Variants in UCHL3 observed in about 807,000 individuals in gnomAD.
UCHL3 encodes ubiquitin C-terminal hydrolase L3.
UCHL3 carries 22 observed loss-of-function variants against 35.8 expected under a neutral mutation model. That is an observed-to-expected ratio of 0.61 (90% CI 0.44 to 0.88). UCHL3 has a LOEUF of 0.88. Ranked by LOEUF, UCHL3 falls within the 40% of genes least tolerant of loss-of-function variation. UCHL3 has a pLI of 0.00. For missense variants in UCHL3, 229 were observed against 276.9 expected (o/e 0.83, Z 1.23); for synonymous variants, 90 against 92.8 (o/e 0.97, Z 0.17).
chr13:75,601,779 AG>A (rs2032786569), intron 7 of UCHL3, among the ~76,000 whole-genome samples: 1 of 152,130 alleles, frequency 6.6e-6, no homozygotes, highest in South Asian at 2.1e-4. Flanking sequence ...ATTTCTGTAT[AG>A]TCTCTCTTTT....
intron 8 of UCHL3, 111 bp from the exon 9 acceptor site, chr13:75,605,618 A>C (rs1322196261): frequency 9.6e-7 from 1 of 1,038,438 alleles, no homozygotes; most frequent in Non-Finnish European, 1.4e-6. Flanking sequence ...CATTTGGAAA[A>C]GGAAGTTTGC....
In UCHL3 at chr13:75,550,006, G is replaced by C. The variant is rs779184142; in HGVS notation, c.54+19G>C. On this transcript the variant is annotated intron_variant, in intron 2 of 8. Coordinates refer to ENST00000377595, the MANE Select transcript of UCHL3 (RefSeq NM_006002.5). ...CAACCAGGTGAGTGAGGTGTCTGTC[G>C]CTCGGGACCTCGGAGTCTTTTCTGT... 3 of 1,614,222 alleles carry C rather than the reference G, an allele frequency of 1.9e-6. No homozygotes were observed. In the South Asian group the frequency reaches 3.3e-5, roughly 18 times the overall value.
In UCHL3 at chr13:75,595,024, A is replaced by C. The variant is rs754761153; in HGVS notation, c.550+34A>C. On this transcript the variant is annotated intron_variant, in intron 7 of 8. Transcript: ENST00000377595. ...TATTTTAATTTGTCCTGGGGAGAGA[A>C]ATGGTAAATGGGAAAGTCTCTACTT... 5 of 1,471,872 alleles carry C rather than the reference A, an allele frequency of 3.4e-6. No individual in the cohort carries two copies. The South Asian group carries it at 6.3e-5, about 18-fold the overall frequency. The allele number at this position is 1,471,872 out of a possible 1,614,324, so 91.2% of individuals were successfully genotyped here. A position where few individuals can be genotyped will look rare whatever the true frequency, so the allele number is the denominator to read the frequency against.
intron 7 of UCHL3, among the ~76,000 whole-genome samples, chr13:75,599,622 G>A (rs923438548): frequency 6.6e-6 from 1 of 151,980 alleles, no homozygotes; most frequent in African/African-American, 2.4e-5. Context: ...TAATTGTTTT[G>A]GGATGCCACA....
intron 2 of UCHL3, among the ~76,000 whole-genome samples, chr13:75,554,176 C>G (rs536260320): frequency 6.6e-6 from 1 of 152,288 alleles, no homozygotes; most frequent in African/African-American, 2.4e-5. Context: ...ACTCCTCACA[C>G]CTCAGCCTTC....
chr13:75,587,017 C>CAAAA (rs3036429), intron 6 of UCHL3, among the ~76,000 whole-genome samples: 18 of 98,918 alleles, frequency 1.8e-4, no homozygotes, highest in East Asian at 3.0e-4. Flanking sequence ...CTTAAGGTAG[C>CAAAA]AAAAAAAAAA....
chr13:75,590,709 T>C (rs8192755), intron 6 of UCHL3, among the ~76,000 whole-genome samples: 100,301 of 151,898 alleles, frequency 0.66, 33,412 homozygotes, highest in Middle Eastern at 0.79. Context: ...CTTTCCTGCC[T>C]ATTCAGTTTC....
intron 6 of UCHL3, among the ~76,000 whole-genome samples, chr13:75,581,375 G>A (rs1593746961): frequency 6.7e-6 from 1 of 150,092 alleles, no homozygotes; most frequent in Non-Finnish European, 1.5e-5. Flanking sequence ...CTTGAGACAG[G>A]GTCCCATTCT....
intron 7 of UCHL3, among the ~76,000 whole-genome samples, chr13:75,602,460 A>G (rs1231839130): frequency 3.3e-5 from 5 of 152,188 alleles, no homozygotes; most frequent in Non-Finnish European, 7.3e-5. Flanking sequence ...TTTAGGTTAC[A>G]TGACCCATGT....
chr13:75,557,439 TC>T (rs566321047), intron 2 of UCHL3, among the ~76,000 whole-genome samples: 104 of 152,378 alleles, frequency 6.8e-4, no homozygotes, highest in African/African-American at 2.3e-3. Context: ...TAATTATTTT[TC>T]TCAATTGGCC....
At chr13:75,549,707 G>A, upstream of UCHL3, 2 of 1,264,726 alleles carry the variant, frequency 1.6e-6, no homozygotes, top group Non-Finnish European at 2.1e-6. Flanking sequence ...GTGTTTAGGC[G>A]CTCCTCCTCC....
chr13:75,586,162 G>A (rs867903224), intron 6 of UCHL3, among the ~76,000 whole-genome samples: 11 of 151,968 alleles, frequency 7.2e-5, no homozygotes, highest in Admixed American at 2.6e-4. Context: ...CAATCAAAAG[G>A]ATGGGAAAAG....
At chr13:75,588,360 C>G (rs1395872371) in intron 6 of UCHL3, among the ~76,000 whole-genome samples, 1 of 152,018 alleles carries the variant, frequency 6.6e-6, no homozygotes, top group Non-Finnish European at 1.5e-5. Flanking sequence ...TCATTTATTT[C>G]CCCTTTTTAT....
intron 7 of UCHL3, among the ~76,000 whole-genome samples, chr13:75,598,684 C>T (rs755950529): frequency 3.3e-5 from 5 of 152,196 alleles, no homozygotes; most frequent in Non-Finnish European, 7.3e-5. Context: ...CTCAGTGCAT[C>T]ATATCGAGAG....
intron 7 of UCHL3, among the ~76,000 whole-genome samples, chr13:75,598,633 ATT>A (rs770411447): frequency 6.6e-6 from 1 of 152,182 alleles, no homozygotes; most frequent in Non-Finnish European, 1.5e-5. Context: ...TGATTTATGC[ATT>A]TTTGGCAGGA....
At chr13:75,590,202 C>A in intron 6 of UCHL3, 1 of 1,196,836 alleles carries the variant, frequency 8.4e-7, no homozygotes, top group Non-Finnish European at 1.1e-6. Context: ...TTCTTAACTT[C>A]GGTCTTCAGA....
chr13:75,561,557 A>G (rs1254609344), intron 3 of UCHL3, among the ~76,000 whole-genome samples: 2 of 150,606 alleles, frequency 1.3e-5, no homozygotes, highest in Non-Finnish European at 2.9e-5. Context: ...TATATATATA[A>G]GGAATCTTCT....
chr13:75,597,245 T>G (rs754927677), intron 7 of UCHL3, among the ~76,000 whole-genome samples: 1 of 152,136 alleles, frequency 6.6e-6, no homozygotes, highest in Non-Finnish European at 1.5e-5. Flanking sequence ...GTAGTCCCAC[T>G]TTCTGTAGTG....
intron 6 of UCHL3, among the ~76,000 whole-genome samples, chr13:75,572,015 C>G (rs1044384538): frequency 7.9e-5 from 12 of 151,950 alleles, no homozygotes; most frequent in Non-Finnish European, 1.6e-4. Flanking sequence ...CTTGTCTTGT[C>G]TTGTCTTGTC....
Sources: gnomAD v4.1 joint callset for allele counts (sites outside exome capture counted in the v4.1 genomes callset) on GRCh38, gnomAD v4.1.1 for gene constraint, MANE v1.5 for transcripts, NCBI Gene and HGNC (gene_info 2026-07-23, HGNC 2026-07-21) for gene names.